DSCAML1: variants seen among roughly 807,000 people sequenced by gnomAD.
DSCAML1 encodes the protein DS cell adhesion molecule like 1.
In DSCAML1, 38 loss-of-function variants were observed where a neutral mutation model predicts 200.5. That is an observed-to-expected ratio of 0.19 (90% CI 0.15 to 0.25). The LOEUF (loss-of-function observed/expected upper bound fraction) is 0.25. Among genes scored for constraint, DSCAML1 ranks in the 10% least tolerant of loss-of-function variants. The pLI is 1.00. For missense variants in DSCAML1, 2,223 were observed against 2,858.8 expected (o/e 0.78, Z 5.07); for synonymous variants, 1,215 against 1,165.0 (o/e 1.04, Z -0.87).
intron 3 of DSCAML1, among the ~76,000 whole-genome samples, chr11:117,699,831 T>C (rs1399492888): frequency 2.6e-5 from 4 of 152,230 alleles, no homozygotes; most frequent in Admixed American, 2.6e-4. Flanking sequence ...ACACAGAAGA[T>C]ATCCAAAGAC....
Position 117,480,555 on chromosome 11 carries a change from T to TG in DSCAML1, c.2672dup (p.Glu892ArgfsTer32). The TG allele has an allele frequency of 6.4e-7, 1 of 1,567,312 alleles. No individual in the cohort carries two copies. The highest frequency in any genetic ancestry group is 8.7e-7 in the Non-Finnish European group (1 of 1,155,376). On this transcript the variant is annotated frameshift_variant, in exon 14 of 33. Transcript: ENST00000651296. LOFTEE classifies it high-confidence loss of function. This position sits in a 1 kb window ranked among gnomAD's most constrained non-coding sequence, Gnocchi z 4.1. Reference sequence around the variant, plus strand: ...CCTTCACCTCCCGGATCTCCAGCTCTGGGGGGTCGGGGGGCTCTAGGGTGC... The same window carrying TG: ...CCTTCACCTCCCGGATCTCCAGCTCTGGGGGGGTCGGGGGGCTCTAGGGTGC...
chr11:117,647,598 G>A (rs1253825331), intron 3 of DSCAML1, among the ~76,000 whole-genome samples: 1 of 152,220 alleles, frequency 6.6e-6, no homozygotes, highest in African/African-American at 2.4e-5. Context: ...GGAAAGCAAA[G>A]GGCTGGGGAG....
At chr11:117,696,417 T>C (rs2053587646) in intron 3 of DSCAML1, among the ~76,000 whole-genome samples, 1 of 152,220 alleles carries the variant, frequency 6.6e-6, no homozygotes, top group South Asian at 2.1e-4. Flanking sequence ...CAAGGAGAAC[T>C]AGGGGTACCT....
intron 32 of DSCAML1, 64 bp downstream of exon 32, chr11:117,430,658 G>A: frequency 6.5e-7 from 1 of 1,528,228 alleles, no homozygotes; most frequent in Non-Finnish European, 8.8e-7. Context: ...GATCTAGCCA[G>A]GGCTCATGGG....
chr11:117,439,102 C>A lies in DSCAML1; in HGVS notation c.4145-119G>T, dbSNP rs1592575535. On this transcript the variant is annotated intron_variant, in intron 23 of 32. Coordinates refer to ENST00000651296, the MANE Select transcript of DSCAML1 (RefSeq NM_020693.4). Reference sequence around the variant, plus strand: ...CACACCCTCACTCCCACTCCCACTCCCCAGCTCTCCTGCCTCCCCTTCCAT... The same window carrying A: ...CACACCCTCACTCCCACTCCCACTCACCAGCTCTCCTGCCTCCCCTTCCAT... 5.3e-6 allele frequency: 7 copies of A among 1,329,664 alleles called. No homozygotes were observed. In the East Asian group the frequency reaches 1.7e-4, roughly 33 times the overall value. The allele number at this position is 1,329,664 out of a possible 1,614,324, so 82.4% of individuals were successfully genotyped here.
At position 117,463,795 on chromosome 11, in the gene DSCAML1, T is replaced by C. The variant is rs1282230349; in HGVS notation, c.3265+1147A>G. On this transcript the variant is annotated intron_variant, in intron 17 of 32. Transcript: ENST00000651296. This position sits in a 1 kb window ranked among gnomAD's most constrained non-coding sequence, Gnocchi z 4.0. ...TCAGGTGCTCAGTGCTCTGGGGCTA[T>C]TGAAGTCGGCCCCATCTTAAAGCCC... Among the ~76,000 whole-genome samples the C allele has an allele frequency of 1.3e-5, 2 of 152,200 alleles. No individual in the cohort carries two copies. Among genetic ancestry groups the C allele is most frequent in the Non-Finnish European group, 2.9e-5 (2 of 68,034 alleles).
intron 7 of DSCAML1, among the ~76,000 whole-genome samples, chr11:117,517,132 G>A (rs1041382592): frequency 6.6e-6 from 1 of 152,160 alleles, no homozygotes; most frequent in Non-Finnish European, 1.5e-5. Flanking sequence ...AAGTGGAAAG[G>A]TAGAGATTTT....
chr11:117,709,166 C>T (rs967473362), intron 3 of DSCAML1, among the ~76,000 whole-genome samples: 1 of 152,232 alleles, frequency 6.6e-6, no homozygotes, highest in Admixed American at 6.5e-5. Flanking sequence ...ATGTGTGACC[C>T]TGTTGGCCAT....
chr11:117,754,211 C>T (rs774088823), intron 3 of DSCAML1, among the ~76,000 whole-genome samples: 1 of 152,148 alleles, frequency 6.6e-6, no homozygotes, highest in Non-Finnish European at 1.5e-5. Flanking sequence ...TGGAGCTGTG[C>T]GTGCATCCAG....
intron 3 of DSCAML1, among the ~76,000 whole-genome samples, chr11:117,596,220 A>G (rs2051358978): frequency 6.6e-6 from 1 of 152,194 alleles, no homozygotes; most frequent in Admixed American, 6.5e-5. Context: ...GACTCCCCAG[A>G]GTCATAAAAG....
Position 117,435,815 on chromosome 11 carries a change from G to T in DSCAML1, c.4721-16C>A, listed in dbSNP as rs774261815. ...GGAATGGTGCCTGAATGAGGGCAAA[G>T]AATAGAATTAGATGTCCCTTATGAG... On this transcript the variant is annotated splice_polypyrimidine_tract_variant and intron_variant, in intron 26 of 32. Coordinates refer to ENST00000651296, the MANE Select transcript of DSCAML1 (RefSeq NM_020693.4). 7 of 1,594,918 alleles carry T rather than the reference G, an allele frequency of 4.4e-6. No homozygotes were observed. The East Asian group carries it at 6.8e-5, about 15-fold the overall frequency.
At chr11:117,786,145 G>T (rs1254070409) in intron 1 of DSCAML1, among the ~76,000 whole-genome samples, 1 of 152,198 alleles carries the variant, frequency 6.6e-6, no homozygotes, top group Non-Finnish European at 1.5e-5. Context: ...CCGAAAGAAA[G>T]AAGAGGAGGG....
In DSCAML1 at chr11:117,467,345, C is replaced by T. The variant is rs187975905; in HGVS notation, c.3025-2163G>A. 3.8e-3 allele frequency among the ~76,000 whole-genome samples: 584 copies of T among 152,310 alleles called. 4 individuals are homozygous for T. Among genetic ancestry groups the T allele is most frequent in the Middle Eastern group, 6.8e-3 (2 of 294 alleles). ...AATAGAAACTGGCTCCTTTAATGCC[C>T]GGGCCTGCCCATCTATAAATTGAGA... On this transcript the variant is annotated intron_variant, in intron 16 of 32. Transcript: ENST00000651296.
chr11:117,660,118 C>T (rs2052814974), intron 3 of DSCAML1, among the ~76,000 whole-genome samples: 1 of 152,174 alleles, frequency 6.6e-6, no homozygotes, highest in Admixed American at 6.5e-5. Context: ...TGTCTCTTCT[C>T]CCCAACACAG....
At position 117,505,562 on chromosome 11, in the gene DSCAML1, T is replaced by A. The variant is rs2049479424; in HGVS notation, c.1954A>T (p.Ser652Cys). The change falls in exon 9 of 33, where the codon AGC (serine) becomes TGC (cysteine). Residue 652 changes from serine (S) to cysteine (C), a missense_variant. Transcript: ENST00000651296. This position sits in a 1 kb window ranked among gnomAD's most constrained non-coding sequence, Gnocchi z 6.7. ...GAGACGCTAGAGATCTGCAGGGAGC[T>A]CATGAATTCCTTGCTCTCGATGGTC... ...GVTIESKEFM[S>C]SLQISSVSLK... The A allele has an allele frequency of 6.2e-7, 1 of 1,613,480 alleles. No homozygotes were observed. The highest frequency in any genetic ancestry group is 1.3e-5 in the African/African-American group (1 of 74,854).
chr11:117,471,320 C>T (rs1316014695), intron 15 of DSCAML1, among the ~76,000 whole-genome samples: 5 of 152,060 alleles, frequency 3.3e-5, no homozygotes, highest in African/African-American at 7.2e-5. Context: ...TACAGGCATG[C>T]GCCACCACGC....
chr11:117,811,834 C>A (rs1226556473), intron 1 of DSCAML1, among the ~76,000 whole-genome samples: 1 of 151,750 alleles, frequency 6.6e-6, no homozygotes, highest in Non-Finnish European at 1.5e-5. Flanking sequence ...TAAGTCCATC[C>A]CCTTCTTAAT....
At chr11:117,810,931 T>C (rs919091913) in intron 1 of DSCAML1, among the ~76,000 whole-genome samples, 2 of 152,094 alleles carry the variant, frequency 1.3e-5, no homozygotes, top group Non-Finnish European at 2.9e-5. Flanking sequence ...CTTTCTAATC[T>C]TCCTTTTCTA....
chr11:117,587,139 G>T (rs535541187), intron 3 of DSCAML1, among the ~76,000 whole-genome samples: 1 of 152,184 alleles, frequency 6.6e-6, no homozygotes, highest in South Asian at 2.1e-4. Context: ...CTCAGAGATG[G>T]CTGCTTAGGT....
Sources: allele counts gnomAD v4.1 joint callset (sites outside exome capture counted in the v4.1 genomes callset), GRCh38; gene constraint gnomAD v4.1.1; non-coding constraint Gnocchi (gnomAD v3.1); transcripts MANE v1.5; gene names NCBI Gene and HGNC (gene_info 2026-07-23, HGNC 2026-07-21).